Variants in NSD3 observed in about 807,000 individuals in gnomAD.
The protein encoded by NSD3 is histone-lysine N-methyltransferase NSD3.
A neutral mutation model predicts 160.8 loss-of-function variants in NSD3; 24 were observed. The observed-to-expected ratio is 0.15, with a 90% CI of 0.11 to 0.21. The LOEUF is 0.21. Ranked by LOEUF, NSD3 falls within the 10% of genes least tolerant of loss-of-function variation. The pLI is 1.00. For missense variants in NSD3, 1,157 were observed against 1,735.9 expected (o/e 0.67, Z 5.93); for synonymous variants, 520 against 600.0 (o/e 0.87, Z 1.95).
chr8:38,293,709 G>C (rs1383017818), intron 16 of NSD3, among the ~76,000 whole-genome samples: 2 of 149,540 alleles, frequency 1.3e-5, no homozygotes, highest in Non-Finnish European at 3.0e-5. Context: ...GATCAGCTGA[G>C]GTCAGGAGTT....
At chr8:38,359,553 A>C (rs1163502940) in intron 1 of NSD3, among the ~76,000 whole-genome samples, 6 of 152,174 alleles carry the variant, frequency 3.9e-5, no homozygotes, top group Non-Finnish European at 8.8e-5. Flanking sequence ...TGGTTCTAAG[A>C]ACTTGACCAC....
intron 2 of NSD3, among the ~76,000 whole-genome samples, chr8:38,346,319 GTA>G (rs978867861): frequency 6.8e-6 from 1 of 146,758 alleles, no homozygotes; most frequent in African/African-American, 2.5e-5. Flanking sequence ...ATATGTATAT[GTA>G]TATATGTATA....
At chr8:38,310,145 C>T (rs1301855206) in intron 12 of NSD3, among the ~76,000 whole-genome samples, 1 of 152,184 alleles carries the variant, frequency 6.6e-6, no homozygotes, top group Non-Finnish European at 1.5e-5. Context: ...GCCTCCAGAA[C>T]ATTTTCATCA....
chr8:38,293,837 C>T (rs1253222727), intron 16 of NSD3, among the ~76,000 whole-genome samples: 2 of 131,184 alleles, frequency 1.5e-5, no homozygotes, highest in African/African-American at 2.9e-5. Flanking sequence ...GCAGGAGAAT[C>T]GCTTGAACCT....
Position 38,317,203 on chromosome 8 carries a change from C to A in NSD3, c.1856-1161G>T. The A allele has an allele frequency of 9.4e-7, 1 of 1,062,858 alleles. No individual in the cohort carries two copies. Among genetic ancestry groups the A allele is most frequent in the Non-Finnish European group, 1.1e-6 (1 of 877,564 alleles). 65.8% of individuals were successfully genotyped at this position (1,062,858 alleles called of 1,614,324 possible). On this transcript the variant is annotated intron_variant, in intron 9 of 23. Coordinates refer to ENST00000317025, the MANE Select transcript of NSD3 (RefSeq NM_023034.2). The surrounding 1 kb of genome is among the most constrained non-coding windows in gnomAD (Gnocchi z 5.3). ...AGGAGGTGGGCCTCGTTAGACTGCT[C>A]AGATTACTGGAACCTCGTTATCACA...
At chr8:38,358,902 T>C (rs980378327) in intron 1 of NSD3, among the ~76,000 whole-genome samples, 10 of 150,758 alleles carry the variant, frequency 6.6e-5, no homozygotes, top group Non-Finnish European at 1.3e-4. Flanking sequence ...AAGAAGTAAA[T>C]GGGGGGAAAG....
chr8:38,276,099 A>C (rs1808595170), intron 23 of NSD3, among the ~76,000 whole-genome samples, 197 bp downstream of exon 23: 1 of 152,220 alleles, frequency 6.6e-6, no homozygotes, highest in Admixed American at 6.5e-5. Context: ...ACCTACGGGA[A>C]CAGTATACAA....
chr8:38,354,781 T>TA (rs1404853239), intron 1 of NSD3, among the ~76,000 whole-genome samples: 1 of 151,690 alleles, frequency 6.6e-6, no homozygotes, highest in Non-Finnish European at 1.5e-5. Flanking sequence ...GTACTAAAAA[T>TA]AAAAAGCTAC....
intron 12 of NSD3, among the ~76,000 whole-genome samples, chr8:38,314,184 G>A (rs1472686023): frequency 6.6e-6 from 1 of 152,166 alleles, no homozygotes; most frequent in Non-Finnish European, 1.5e-5. Flanking sequence ...ATTTTAGTAG[G>A]TGGTAGTCTA....
chr8:38,340,561 C>T (rs1184947625), intron 2 of NSD3, among the ~76,000 whole-genome samples: 1 of 152,072 alleles, frequency 6.6e-6, no homozygotes, highest in Non-Finnish European at 1.5e-5. Context: ...TGGTCTTGAA[C>T]TCTTAACCTC....
At chr8:38,357,512 C>T (rs185813079) in intron 1 of NSD3, among the ~76,000 whole-genome samples, 219 of 152,224 alleles carry the variant, frequency 1.4e-3, no homozygotes, top group African/African-American at 4.9e-3. Context: ...ATAATATACC[C>T]TTTTCCTTTT....
intron 12 of NSD3, among the ~76,000 whole-genome samples, chr8:38,308,162 G>A (rs914192530): frequency 6.6e-5 from 10 of 152,308 alleles, no homozygotes; most frequent in African/African-American, 2.4e-4. Context: ...AAAGTTAGGT[G>A]AACTGCATTA....
At chr8:38,346,174 A>ATG (rs1182097374) in intron 2 of NSD3, among the ~76,000 whole-genome samples, 1 of 148,178 alleles carries the variant, frequency 6.7e-6, no homozygotes, top group Non-Finnish European at 1.5e-5. Flanking sequence ...GTATGTATAT[A>ATG]TGTATATATA....
At chr8:38,290,254 T>C (rs935516419) in intron 17 of NSD3, among the ~76,000 whole-genome samples, 3 of 151,994 alleles carry the variant, frequency 2.0e-5, no homozygotes, top group South Asian at 2.1e-4. Context: ...TCTGTGTTTA[T>C]AGAAAGACAC....
chr8:38,293,101 G>A (rs1162881334), intron 16 of NSD3, among the ~76,000 whole-genome samples: 2 of 146,804 alleles, frequency 1.4e-5, no homozygotes, highest in Non-Finnish European at 3.0e-5. Context: ...TCGTGCCACT[G>A]CACTCCAGCC....
At chr8:38,275,950 A>G in intron 23 of NSD3, 68 bp from the exon 24 acceptor site, 2 of 1,403,286 alleles carry the variant, frequency 1.4e-6, no homozygotes, top group Non-Finnish European at 1.9e-6. Context: ...ATTACCCATG[A>G]AAAACCCAGG....
intron 12 of NSD3, among the ~76,000 whole-genome samples, chr8:38,310,966 A>G (rs1809519963): frequency 6.6e-6 from 1 of 151,692 alleles, no homozygotes; most frequent in Non-Finnish European, 1.5e-5. Flanking sequence ...CAATTTCTCC[A>G]TAGTTAAGCC....
intron 21 of NSD3, 110 bp from the exon 22 acceptor site, chr8:38,278,522 G>T (rs182880898): frequency 2.2e-6 from 2 of 894,166 alleles, no homozygotes; most frequent in Non-Finnish European, 3.3e-6. Flanking sequence ...GCATGAAGGC[G>T]TTTCCCTTGC....
chr8:38,287,133 C>T lies in NSD3; in HGVS notation c.3501+1354G>A, dbSNP rs117886398. 3.3e-3 allele frequency among the ~76,000 whole-genome samples: 509 copies of T among 152,268 alleles called. 3 individuals carry two copies. Among genetic ancestry groups the T allele is most frequent in the Non-Finnish European group, 4.7e-3 (321 of 68,012 alleles). ...TGTACCGAATAACTGAATTTCACTTCGAGCAATCTGACCTACAGAAATAGA... is the reference window on the plus strand; with the variant it reads ...TGTACCGAATAACTGAATTTCACTTTGAGCAATCTGACCTACAGAAATAGA... On this transcript the variant is annotated intron_variant, in intron 19 of 23. Transcript: ENST00000317025.
Sources: allele counts gnomAD v4.1 joint callset (sites outside exome capture counted in the v4.1 genomes callset), GRCh38; gene constraint gnomAD v4.1.1; non-coding constraint Gnocchi (gnomAD v3.1); transcripts MANE v1.5; gene names NCBI Gene and HGNC (gene_info 2026-07-23, HGNC 2026-07-21).